Variants in ZNF442 observed in about 807,000 individuals in gnomAD.
ZNF442 encodes the protein zinc finger protein 442.
A neutral mutation model predicts 57.0 loss-of-function variants in ZNF442; 45 were observed. The observed-to-expected ratio is 0.79, with a 90% CI of 0.62 to 1.01. The LOEUF (loss-of-function observed/expected upper bound fraction) is 1.01. Among genes scored for constraint, ZNF442 ranks in the 50% least tolerant of loss-of-function variants. The pLI, the probability that ZNF442 is intolerant of heterozygous loss-of-function variation, is 0.00. For missense variants in ZNF442, 690 were observed against 756.5 expected (o/e 0.91, Z 1.03); for synonymous variants, 213 against 241.8 (o/e 0.88, Z 1.10).
chr19:12,357,163 G>A (rs1309035757), intron 3 of ZNF442, among the ~76,000 whole-genome samples: 1 of 151,872 alleles, frequency 6.6e-6, no homozygotes, highest in Non-Finnish European at 1.5e-5. Flanking sequence ...CATGTCTTTG[G>A]AGTCAATTAA....
chr19:12,350,118 C>G lies in ZNF442; in HGVS notation c.1467G>C (p.Glu489Asp). Residue 489 changes from glutamate (E) to aspartate (D), a missense_variant, in exon 6 of 6, where the codon GAG becomes GAC. Glu to Asp is a conservative substitution (Grantham distance 45). Transcript: ENST00000242804. ...TGAATGCTTTCCCACATTCCTTACA[C>G]TCATATGGCTTCTCTCCAGTGTGAG... ...ETTHTGEKPY[E>D]CKECGKAFSC... 6.2e-7 allele frequency: 1 copy of G among 1,612,126 alleles called. No homozygotes were observed. The highest frequency in any genetic ancestry group is 8.5e-7 in the Non-Finnish European group (1 of 1,179,430).
intron 5 of ZNF442, 29 bp downstream of exon 5, chr19:12,351,981 T>C: frequency 6.2e-7 from 1 of 1,604,136 alleles, no homozygotes; most frequent in Non-Finnish European, 8.5e-7. Flanking sequence ...TCCACAGATA[T>C]ATGTCTTTCT....
rs1231838814 is a variant in ZNF442, at chr19:12,347,658, C to T, written c.*2043G>A. On this transcript the variant is annotated 3_prime_UTR_variant, in exon 6 of 6. Transcript: ENST00000242804. Reference sequence around the variant, plus strand: ...CAGAGAATAACGGCCCTAACTGTAACAGAACAGCCAGGACTTCCCCAACCC... The same window carrying T: ...CAGAGAATAACGGCCCTAACTGTAATAGAACAGCCAGGACTTCCCCAACCC... 1 of 152,252 alleles carries T rather than the reference C, an allele frequency of 6.6e-6. No individual in the cohort carries two copies. Among genetic ancestry groups the T allele is most frequent in the Non-Finnish European group, 1.5e-5 (1 of 68,076 alleles). 9.4% of individuals were successfully genotyped at this position (152,252 alleles called of 1,614,324 possible).
rs774293442 is a variant in ZNF442, at chr19:12,351,269, CAG to C, written c.314_315del (p.Thr105SerfsTer3). On this transcript the variant is annotated frameshift_variant, in exon 6 of 6. Coordinates refer to ENST00000242804, the MANE Select transcript of ZNF442 (RefSeq NM_030824.3). LOFTEE classifies it high-confidence loss of function. ...RFSESRQPDS[T>X]VNEKPPGVDP... ...TCTACTCCAGGAGGTTTTTCATTCACAGTACTATCTGGCTGGCGACTTTCACT... is the reference window on the plus strand; with the variant it reads ...TCTACTCCAGGAGGTTTTTCATTCACTACTATCTGGCTGGCGACTTTCACT... 4 of 1,614,142 alleles carry C rather than the reference CAG, an allele frequency of 2.5e-6. No individual in the cohort carries two copies. Among genetic ancestry groups the C allele is most frequent in the Non-Finnish European group, 3.4e-6 (4 of 1,180,018 alleles).
At chr19:12,363,872 T>C (rs1969483884) in intron 2 of ZNF442, among the ~76,000 whole-genome samples, 1 of 152,012 alleles carries the variant, frequency 6.6e-6, no homozygotes, top group African/African-American at 2.4e-5. Context: ...GGCAGCTGTG[T>C]GTATCTTGGG....
At chr19:12,364,429 A>G (rs1230029164) in intron 2 of ZNF442, among the ~76,000 whole-genome samples, 1 of 151,780 alleles carries the variant, frequency 6.6e-6, no homozygotes, top group Non-Finnish European at 1.5e-5. Flanking sequence ...AAAGAAAGAA[A>G]GAAAAAAAGA....
At chr19:12,358,125 C>T (rs147913946) in intron 3 of ZNF442, among the ~76,000 whole-genome samples, 1,637 of 152,110 alleles carry the variant, frequency 0.011, 32 homozygotes, top group African/African-American at 0.038. Context: ...CCATGCCTGG[C>T]TAAATTTTTT....
chr19:12,359,740 G>A (rs2144834764), intron 3 of ZNF442, among the ~76,000 whole-genome samples: 1 of 152,240 alleles, frequency 6.6e-6, no homozygotes, highest in East Asian at 1.9e-4. Context: ...AGCACTTTGG[G>A]AGGCTGAGGC....
chr19:12,362,775 A>C (rs1429820411), intron 3 of ZNF442, among the ~76,000 whole-genome samples: 1 of 151,514 alleles, frequency 6.6e-6, no homozygotes, highest in Non-Finnish European at 1.5e-5. Flanking sequence ...GAAGTGGGGG[A>C]AGTGTGGGGA....
At position 12,348,270 on chromosome 19, in the gene ZNF442, G is replaced by C. The variant is rs1386391635; in HGVS notation, c.*1431C>G. 6.6e-6 allele frequency: 1 copy of C among 152,184 alleles called. No individual in the cohort carries two copies. The highest frequency in any genetic ancestry group is 2.4e-5 in the African/African-American group (1 of 41,414). 9.4% of individuals were successfully genotyped at this position (152,184 alleles called of 1,614,324 possible). A position where few individuals can be genotyped will look rare whatever the true frequency, so the allele number is the denominator to read the frequency against. ...AGGCAGGAGAATCGCTTGAATCTGGGAGGTGGAGGTTGCAGTGAGTCGAGA... is the reference window on the plus strand; with the variant it reads ...AGGCAGGAGAATCGCTTGAATCTGGCAGGTGGAGGTTGCAGTGAGTCGAGA... On this transcript the variant is annotated 3_prime_UTR_variant, in exon 6 of 6. Transcript: ENST00000242804.
intron 3 of ZNF442, among the ~76,000 whole-genome samples, chr19:12,354,624 G>A (rs1969295623): frequency 1.3e-5 from 2 of 151,752 alleles, no homozygotes; most frequent in Non-Finnish European, 1.5e-5. Flanking sequence ...AGGCTGGAGT[G>A]CCCTGGCACG....
At chr19:12,367,434 T>C (rs1467299856), upstream of ZNF442, among the ~76,000 whole-genome samples, 4 of 152,192 alleles carry the variant, frequency 2.6e-5, no homozygotes, top group Admixed American at 2.6e-4. Flanking sequence ...CTGCTGTGCA[T>C]GCACTGTCTT....
chr19:12,367,474 G>A (rs1410135837), upstream of ZNF442, among the ~76,000 whole-genome samples: 4 of 152,124 alleles, frequency 2.6e-5, no homozygotes, highest in Non-Finnish European at 4.4e-5. Context: ...AACAGGGTTC[G>A]AGAGCAGACA....
At chr19:12,355,664 T>A (rs1402382989) in intron 3 of ZNF442, among the ~76,000 whole-genome samples, 3 of 150,040 alleles carry the variant, frequency 2.0e-5, no homozygotes, top group Non-Finnish European at 4.5e-5. Context: ...TGGCCGAGGA[T>A]TTTCTTAAGT....
In ZNF442 at chr19:12,349,912, C is replaced by G. The variant is rs771124443; in HGVS notation, c.1673G>C (p.Cys558Ser). 6.2e-7 allele frequency: 1 copy of G among 1,614,060 alleles called. No homozygotes were observed. Among genetic ancestry groups the G allele is most frequent in the African/African-American group, 1.3e-5 (1 of 75,020 alleles). ...ECRKAFSWLTCLLRHERIHTG... is the reference protein window; with the variant it reads ...ECRKAFSWLTSLLRHERIHTG... Reference sequence around the variant, plus strand: ...GTGAATTCTTTCATGTCGCAGAAGGCAAGTGAGCCAAGAGAATGCTTTCCT... The same window carrying G: ...GTGAATTCTTTCATGTCGCAGAAGGGAAGTGAGCCAAGAGAATGCTTTCCT... Residue 558 changes from cysteine to serine, a missense_variant, in exon 6 of 6, where the codon TGC becomes TCC. Coordinates refer to ENST00000242804, the MANE Select transcript of ZNF442 (RefSeq NM_030824.3).
At chr19:12,358,358 TCA>T (rs1486859177) in intron 3 of ZNF442, among the ~76,000 whole-genome samples, 3 of 152,210 alleles carry the variant, frequency 2.0e-5, no homozygotes, top group Non-Finnish European at 4.4e-5. Flanking sequence ...ATCCTTGCTG[TCA>T]CAAAGGACAT....
chr19:12,373,429 C>T, the ZNF442 span, among the ~76,000 whole-genome samples: 1 of 152,128 alleles, frequency 6.6e-6, no homozygotes, highest in African/African-American at 2.4e-5. Flanking sequence ...ATAGTCCCAG[C>T]TACTTGGGAG....
Position 12,349,569 on chromosome 19 carries a change from G to A in ZNF442, c.*132C>T. On this transcript the variant is annotated 3_prime_UTR_variant, in exon 6 of 6. Transcript: ENST00000242804. The stretch of plus-strand genomic sequence containing the variant: ...GTCTGGAACCAATCCCCTGCATATG[G>A]TTAGGGGATAACCATATTCAAAAGA... 1.1e-6 allele frequency: 1 copy of A among 916,546 alleles called. No homozygotes were observed. Among genetic ancestry groups the A allele is most frequent in the Non-Finnish European group, 1.6e-6 (1 of 625,302 alleles). The allele number at this position is 916,546 out of a possible 1,614,324, so 56.8% of individuals were successfully genotyped here.
At position 12,362,998 on chromosome 19, in the gene ZNF442, AC is replaced by A. The variant is rs1426474719; in HGVS notation, c.78+555del. Among the ~76,000 whole-genome samples, 940 of 149,408 alleles carry A rather than the reference AC, an allele frequency of 6.3e-3. 12 individuals carry two copies. The highest frequency in any genetic ancestry group is 0.023 in the African/African-American group (886 of 39,244). On this transcript the variant is annotated intron_variant, in intron 3 of 5. Transcript: ENST00000242804. ...CTCTACTAAAAATACAAAAAACAAAACAAAAAAAAAATTAGCCAGGTGTGGT... is the reference window on the plus strand; with the variant it reads ...CTCTACTAAAAATACAAAAAACAAAAAAAAAAAAAATTAGCCAGGTGTGGT...
Sources: allele counts gnomAD v4.1 joint callset (sites outside exome capture counted in the v4.1 genomes callset), GRCh38; gene constraint gnomAD v4.1.1; transcripts MANE v1.5; gene names NCBI Gene and HGNC (gene_info 2026-07-23, HGNC 2026-07-21).